GRM8: variants seen among roughly 807,000 people sequenced by gnomAD.
GRM8 encodes the protein metabotropic glutamate receptor 8.
In GRM8, 47 loss-of-function variants were observed where a neutral mutation model predicts 87.2. The ratio of observed to expected loss-of-function variants is 0.54; its 90% CI spans 0.43 to 0.69. The LOEUF (loss-of-function observed/expected upper bound fraction) is 0.69, where lower values mean the gene tolerates loss of function less well. GRM8 is among the 30% of genes least tolerant of loss of function. The probability of loss-of-function intolerance (pLI) is 0.00; values close to 1 mark genes in which losing one functional copy is unlikely to be tolerated. For synonymous variants in GRM8, 396 were observed against 404.5 expected, an observed-to-expected ratio of 0.98 and a Z score of 0.25; for missense variants, 1,019 against 1,139.2, an observed-to-expected ratio of 0.89 and a Z score of 1.52.
intron 3 of GRM8, among the ~76,000 whole-genome samples, chr7:127,012,772 T>C (rs564465068): frequency 9.2e-5 from 14 of 152,174 alleles, no homozygotes; most frequent in Non-Finnish European, 2.1e-4. Flanking sequence ...ACTTCCCTTT[T>C]ATTCCTTTTA....
chr7:126,921,535 A>G (rs1804534254), intron 3 of GRM8, among the ~76,000 whole-genome samples: 1 of 152,266 alleles, frequency 6.6e-6, no homozygotes, highest in Non-Finnish European at 1.5e-5. Context: ...GAAAACCTAT[A>G]TGAAGGAATA....
chr7:126,660,511 T>C (rs1239325582), intron 7 of GRM8, among the ~76,000 whole-genome samples: 1 of 152,206 alleles, frequency 6.6e-6, no homozygotes, highest in African/African-American at 2.4e-5. Flanking sequence ...ATAAAACATA[T>C]TGTGTCTCAC....
chr7:126,788,420 A>AAACAAAAAAAAAAACAAAAAAAAAAAAAC (rs1554492202), intron 6 of GRM8, among the ~76,000 whole-genome samples: 2 of 81,138 alleles, frequency 2.5e-5, no homozygotes, highest in African/African-American at 9.2e-5. Flanking sequence ...AAAAAAAAAA[A>AAACAAAAAAAAAAACAAAAAAAAAAAAAC]AAACCCTTTC....
intron 7 of GRM8, among the ~76,000 whole-genome samples, chr7:126,722,889 A>G (rs1254087106): frequency 9.3e-6 from 1 of 107,934 alleles, no homozygotes; most frequent in East Asian, 2.6e-4. Context: ...AGAGCCTGTG[A>G]AAAAAAATAT....
At chr7:126,442,340 T>G (rs1393756666) in intron 10 of GRM8, among the ~76,000 whole-genome samples, 1 of 152,114 alleles carries the variant, frequency 6.6e-6, no homozygotes, top group Non-Finnish European at 1.5e-5. Context: ...TCACTTTTAC[T>G]TTCTATTTTT....
At chr7:126,707,864 A>C (rs1218379858) in intron 7 of GRM8, among the ~76,000 whole-genome samples, 1 of 152,142 alleles carries the variant, frequency 6.6e-6, no homozygotes, top group Non-Finnish European at 1.5e-5. Context: ...GAACACCAAG[A>C]GCACAGGCAA....
intron 3 of GRM8, among the ~76,000 whole-genome samples, chr7:126,926,274 G>A (rs77351531): frequency 0.014 from 2,111 of 152,234 alleles, 46 homozygotes; most frequent in African/African-American, 0.048. Context: ...ATTTAACCTA[G>A]TCTTTTACCC....
intron 9 of GRM8, among the ~76,000 whole-genome samples, chr7:126,526,390 A>AC (rs1431486036): frequency 1.1e-3 from 164 of 152,354 alleles, no homozygotes; most frequent in African/African-American, 3.8e-3. Context: ...CATATTCAGA[A>AC]AGTTCAACCA....
intron 3 of GRM8, among the ~76,000 whole-genome samples, chr7:127,000,419 C>T (rs1468154404): frequency 1.3e-5 from 2 of 151,660 alleles, no homozygotes; most frequent in African/African-American, 4.8e-5. Context: ...GTTTCTAACA[C>T]AAAGGATAAA....
chr7:127,012,510 G>T (rs569215105), intron 3 of GRM8, among the ~76,000 whole-genome samples: 15 of 151,880 alleles, frequency 9.9e-5, no homozygotes, highest in African/African-American at 3.4e-4. Flanking sequence ...CTCCATAATT[G>T]CAGGCATTTG....
chr7:126,734,402 T>C (rs1308956234), intron 7 of GRM8, among the ~76,000 whole-genome samples: 1 of 151,776 alleles, frequency 6.6e-6, no homozygotes, highest in Non-Finnish European at 1.5e-5. Flanking sequence ...AATAATGATA[T>C]ACTAGCACAA....
chr7:127,176,284 G>A (rs1469786077), intron 2 of GRM8, among the ~76,000 whole-genome samples: 1 of 152,012 alleles, frequency 6.6e-6, no homozygotes. Flanking sequence ...AGAAACAAAT[G>A]CAATTATTAT....
chr7:126,824,078 T>A (rs1195363030), intron 6 of GRM8, among the ~76,000 whole-genome samples: 1 of 152,226 alleles, frequency 6.6e-6, no homozygotes, highest in East Asian at 1.9e-4. Context: ...AAATATAGGA[T>A]ATCTAAAAAT....
At chr7:127,092,706 C>CAGGGGGAAAAGAAAAA (rs1343790386) in intron 3 of GRM8, among the ~76,000 whole-genome samples, 9 of 152,010 alleles carry the variant, frequency 5.9e-5, no homozygotes, top group African/African-American at 1.9e-4. Flanking sequence ...GACTCTGTCT[C>CAGGGGGAAAAGAAAAA]AGGGGGAAAA....
chr7:126,907,287 G>C (rs1379573673), intron 3 of GRM8, among the ~76,000 whole-genome samples: 1 of 123,232 alleles, frequency 8.1e-6, no homozygotes, highest in African/African-American at 3.1e-5. Context: ...AAGAAGAAAG[G>C]GGAGGAGGAA....
At chr7:127,017,327 T>C (rs1815785379) in intron 3 of GRM8, among the ~76,000 whole-genome samples, 1 of 151,916 alleles carries the variant, frequency 6.6e-6, no homozygotes, top group African/African-American at 2.4e-5. Context: ...TATAAATGAG[T>C]GTACTGCTTG....
rs76346370 is a variant in GRM8, at chr7:127,051,656, A to C, written c.727+54840T>G. ...TTAACAAATTGTGACATATTTGTGC[A>C]TAGAAATACTACTCACAGTTACAAT... On this transcript the variant is annotated intron_variant, in intron 3 of 10. Coordinates refer to ENST00000339582, the MANE Select transcript of GRM8 (RefSeq NM_000845.3). Among the ~76,000 whole-genome samples, 1,287 of 150,798 alleles carry C rather than the reference A, an allele frequency of 8.5e-3. 8 individuals are homozygous for C. The highest frequency in any genetic ancestry group is 0.014 in the Non-Finnish European group (962 of 67,726).
At chr7:126,638,513 C>CAT (rs1193688755) in intron 7 of GRM8, among the ~76,000 whole-genome samples, 1 of 152,044 alleles carries the variant, frequency 6.6e-6, no homozygotes, top group African/African-American at 2.4e-5. Context: ...TGGGATGGGG[C>CAT]ATATAGACAA....
intron 8 of GRM8, among the ~76,000 whole-genome samples, chr7:126,543,409 G>A (rs1284115175): frequency 1.3e-5 from 2 of 152,124 alleles, no homozygotes; most frequent in African/African-American, 4.8e-5. Flanking sequence ...ACTTTGCTAA[G>A]CCACTAATTA....
Sources: gnomAD v4.1 joint callset for allele counts (sites outside exome capture counted in the v4.1 genomes callset) on GRCh38, gnomAD v4.1.1 for gene constraint, MANE v1.5 for transcripts, NCBI Gene and HGNC (gene_info 2026-07-23, HGNC 2026-07-21) for gene names.